The following CADM1 variants were observed in gnomAD, a reference collection of about 807,000 sequenced individuals.
CADM1 encodes the protein cell adhesion molecule 1, also known as TSLC-1.
In CADM1, 15 loss-of-function variants were observed where a neutral mutation model predicts 53.1. That is an observed-to-expected ratio of 0.28 (90% CI 0.19 to 0.44). The LOEUF (loss-of-function observed/expected upper bound fraction) is 0.44, where lower values mean the gene tolerates loss of function less well. Among genes scored for constraint, CADM1 ranks in the 20% least tolerant of loss-of-function variants. The probability of loss-of-function intolerance (pLI) is 1.00; values close to 1 mark genes in which losing one functional copy is unlikely to be tolerated. For missense variants in CADM1, 434 were observed against 611.3 expected, an observed-to-expected ratio of 0.71 and a Z score of 3.06; for synonymous variants, 281 against 243.0, an observed-to-expected ratio of 1.16 and a Z score of -1.45.
chr11:115,350,345 G>A (rs542916195), intron 1 of CADM1, among the ~76,000 whole-genome samples: 3 of 152,194 alleles, frequency 2.0e-5, no homozygotes, highest in Non-Finnish European at 4.4e-5. Context: ...GGTCAAAAGG[G>A]TGATTCAGGA....
rs772193010 is a variant in CADM1 at position 115,287,308 on chromosome 11, A to G, written c.125-46888T>C. 6.6e-5 allele frequency: 10 copies of G among 152,244 alleles called. No individual in the cohort carries two copies. The East Asian group carries it at 1.9e-3, about 29-fold the overall frequency. The allele number at this position is 152,244 out of a possible 1,614,324, so 9.4% of individuals were successfully genotyped here. On this transcript the variant is annotated intron_variant, in intron 1 of 11. Coordinates refer to ENST00000331581, the MANE Select transcript of CADM1 (RefSeq NM_001301043.2). Reference sequence around the variant, plus strand: ...GATGATTTCATTATTAGTTGCTGTTATTCTATTGAAAGGTATGATGGACGG... The same window carrying G: ...GATGATTTCATTATTAGTTGCTGTTGTTCTATTGAAAGGTATGATGGACGG...
chr11:115,258,087 C>A (rs187549462), intron 1 of CADM1, among the ~76,000 whole-genome samples: 1 of 152,212 alleles, frequency 6.6e-6, no homozygotes, highest in Non-Finnish European at 1.5e-5. Flanking sequence ...ACAGACTAAC[C>A]GGATAAACTT....
intron 4 of CADM1, 90 bp downstream of exon 4, chr11:115,231,263 G>T: frequency 2.2e-6 from 3 of 1,375,090 alleles, no homozygotes; most frequent in South Asian, 2.3e-5. Context: ...TTTGTTTCAT[G>T]GGCATGTTTT....
intron 1 of CADM1, among the ~76,000 whole-genome samples, chr11:115,347,295 C>A (rs1945606166): frequency 6.6e-6 from 1 of 152,154 alleles, no homozygotes; most frequent in South Asian, 2.1e-4. Flanking sequence ...CCTCCTTCCC[C>A]ATTATACTCA....
intron 1 of CADM1, among the ~76,000 whole-genome samples, chr11:115,477,155 G>T (rs150650470): frequency 2.0e-5 from 3 of 151,210 alleles, no homozygotes; most frequent in Admixed American, 6.6e-5. Flanking sequence ...TGGATTGATA[G>T]GAAAGGGAAA....
chr11:115,336,095 T>A (rs1047074544), intron 1 of CADM1, among the ~76,000 whole-genome samples: 1 of 152,176 alleles, frequency 6.6e-6, no homozygotes, highest in African/African-American at 2.4e-5. Flanking sequence ...TTTAAAAACA[T>A]GTAACTCAAG....
intron 1 of CADM1, among the ~76,000 whole-genome samples, chr11:115,272,769 G>C (rs1165513071): frequency 8.3e-6 from 1 of 120,738 alleles, no homozygotes. Context: ...GGAGGGGGGA[G>C]GGATAGCATT....
chr11:115,313,062 T>G (rs577809959), intron 1 of CADM1, among the ~76,000 whole-genome samples: 1 of 152,232 alleles, frequency 6.6e-6, no homozygotes, highest in East Asian at 1.9e-4. Flanking sequence ...CAACAATTTC[T>G]CATGTCACCT....
At position 115,185,305 on chromosome 11, in the gene CADM1, C is replaced by T. The variant is rs75924639; in HGVS notation, c.1165+5583G>A. Among the ~76,000 whole-genome samples the T allele has an allele frequency of 6.4e-3, 976 of 152,280 alleles. 16 individuals carry two copies. The highest frequency in any genetic ancestry group is 0.023 in the African/African-American group (935 of 41,544). ...TACTGCATACTCAGCATTGCCCACA[C>T]ATGGTAAGATGCCCAATAAACACTT... On this transcript the variant is annotated intron_variant, in intron 10 of 11. Coordinates refer to ENST00000331581, the MANE Select transcript of CADM1 (RefSeq NM_001301043.2).
intron 1 of CADM1, among the ~76,000 whole-genome samples, chr11:115,340,685 G>C (rs1330056328): frequency 1.9e-5 from 1 of 52,026 alleles, no homozygotes; most frequent in Non-Finnish European, 3.8e-5. Context: ...TTTTGAGACA[G>C]AGTCTCACTC....
At chr11:115,276,057 A>G (rs1943435543) in intron 1 of CADM1, among the ~76,000 whole-genome samples, 1 of 152,224 alleles carries the variant, frequency 6.6e-6, no homozygotes, top group Non-Finnish European at 1.5e-5. Context: ...CAGGTTATTT[A>G]AAATTGATGT....
chr11:115,409,429 T>G (rs1947402612), intron 1 of CADM1, among the ~76,000 whole-genome samples: 2 of 152,188 alleles, frequency 1.3e-5, no homozygotes. Context: ...TTGTCTTTCT[T>G]TTCTTTCATT....
At chr11:115,223,109 G>C (rs1941466269) in intron 5 of CADM1, among the ~76,000 whole-genome samples, 1 of 152,148 alleles carries the variant, frequency 6.6e-6, no homozygotes, top group African/African-American at 2.4e-5. Context: ...ATTGGGGCAT[G>C]GACTTCTCCT....
chr11:115,209,758 A>G, intron 7 of CADM1, 101 bp from the exon 8 acceptor site: 1 of 1,433,004 alleles, frequency 7.0e-7, no homozygotes, highest in Admixed American at 1.9e-5. Flanking sequence ...TGTTTGTTTG[A>G]TGGCTTCCCC....
At chr11:115,331,720 T>C (rs947355501) in intron 1 of CADM1, among the ~76,000 whole-genome samples, 2 of 145,878 alleles carry the variant, frequency 1.4e-5, no homozygotes, top group Admixed American at 1.3e-4. Flanking sequence ...ACCAAGTCTA[T>C]ACCTGTAAGG....
At chr11:115,380,932 CT>C (rs1388648608) in intron 1 of CADM1, among the ~76,000 whole-genome samples, 4 of 152,112 alleles carry the variant, frequency 2.6e-5, no homozygotes, top group Non-Finnish European at 5.9e-5. Flanking sequence ...ATTAGCAATA[CT>C]TTTTAAAAAT....
intron 1 of CADM1, among the ~76,000 whole-genome samples, chr11:115,453,372 GC>G (rs1252450122): frequency 7.3e-6 from 1 of 136,188 alleles, no homozygotes; most frequent in Non-Finnish European, 1.6e-5. Flanking sequence ...TACCCCCCTC[GC>G]CCCCAAAAAA....
chr11:115,453,188 G>T (rs943500129), intron 1 of CADM1, among the ~76,000 whole-genome samples: 1 of 151,930 alleles, frequency 6.6e-6, no homozygotes, highest in Non-Finnish European at 1.5e-5. Flanking sequence ...ACCAACCTAG[G>T]CAACATGATA....
intron 1 of CADM1, among the ~76,000 whole-genome samples, chr11:115,285,692 T>TA (rs1943711786): frequency 6.6e-6 from 1 of 152,168 alleles, no homozygotes; most frequent in African/African-American, 2.4e-5. Flanking sequence ...CTAAGTTTGA[T>TA]AGATGAGGTA....
Sources: gnomAD v4.1 joint callset for allele counts (sites outside exome capture counted in the v4.1 genomes callset) on GRCh38, gnomAD v4.1.1 for gene constraint, MANE v1.5 for transcripts, NCBI Gene and HGNC (gene_info 2026-07-23, HGNC 2026-07-21) for gene names.